RHPN1: variants seen among roughly 807,000 people sequenced by gnomAD.
RHPN1 encodes the protein rhophilin-1.
Under a neutral mutation model 74.7 loss-of-function variants are expected in RHPN1, and 77 were observed. That is an observed-to-expected ratio of 1.03 (90% CI 0.86 to 1.25). RHPN1 has a LOEUF of 1.25. Ranked by LOEUF, RHPN1 falls within the 50% of genes most tolerant of loss-of-function variation. RHPN1 has a pLI of 0.00. For missense variants in RHPN1, 987 were observed against 932.2 expected, an observed-to-expected ratio of 1.06 and a Z score of -0.77; for synonymous variants, 444 against 414.5, an observed-to-expected ratio of 1.07 and a Z score of -0.87.
chr8:143,378,806 G>T lies in RHPN1; in HGVS notation c.570G>T (p.Gly190=). 6.4e-7 allele frequency: 1 copy of T among 1,565,064 alleles called. No homozygotes were observed. The highest frequency in any genetic ancestry group is 8.7e-7 in the Non-Finnish European group (1 of 1,155,138). The stretch of plus-strand genomic sequence containing the variant: ...TCCTCACCCCTGCCAGGAGCCTCGG[G>T]CTCTTCTTCCACTGGTAGGGGCTCT... The part of the protein sequence containing the change: ...ARFLTPARSL[G]LFFHWYDSLT... The change falls in exon 6 of 15, where the codon GGG becomes GGT. Residue 190 remains glycine, a synonymous_variant. Coordinates refer to ENST00000289013, the MANE Select transcript of RHPN1 (RefSeq NM_052924.3).
chr8:143,379,518 G>T lies in RHPN1; in HGVS notation c.945+10G>T. Reference sequence around the variant, plus strand: ...GCAGGAGGCCGCCCAGGTGAGCTCGGGCACCCGTGTCAGGATGCAGGGGGT... The same window carrying T: ...GCAGGAGGCCGCCCAGGTGAGCTCGTGCACCCGTGTCAGGATGCAGGGGGT... On this transcript the variant is annotated intron_variant, in intron 8 of 14. Transcript: ENST00000289013. 1 of 1,537,242 alleles carries T rather than the reference G, an allele frequency of 6.5e-7. No individual in the cohort carries two copies. The highest frequency in any genetic ancestry group is 8.8e-7 in the Non-Finnish European group (1 of 1,139,726).
upstream of RHPN1, chr8:143,368,414 T>C (rs1318556654): frequency 6.6e-6 from 1 of 152,562 alleles, no homozygotes; most frequent in Non-Finnish European, 1.5e-5. Context: ...GTGAACATTT[T>C]TGGAACAAGC....
rs781486031 is a variant in RHPN1, at chr8:143,379,523, C to T, written c.945+15C>T. ...AGGCCGCCCAGGTGAGCTCGGGCAC[C>T]CGTGTCAGGATGCAGGGGGTGGGGC... is the stretch of plus-strand genomic sequence containing the variant. On this transcript the variant is annotated intron_variant, in intron 8 of 14. Coordinates refer to ENST00000289013, the MANE Select transcript of RHPN1 (RefSeq NM_052924.3). The T allele has an allele frequency of 1.6e-5, 24 of 1,532,774 alleles. No individual in the cohort carries two copies. The highest frequency in any genetic ancestry group is 2.0e-5 in the Admixed American group (1 of 49,300). 94.9% of individuals were successfully genotyped at this position (1,532,774 alleles called of 1,614,324 possible).
chr8:143,372,402 C>T (rs1176625700), intron 1 of RHPN1, among the ~76,000 whole-genome samples: 3 of 152,174 alleles, frequency 2.0e-5, no homozygotes, highest in South Asian at 4.1e-4. Context: ...GCCCGAGTCC[C>T]TGAAGCAGCT....
chr8:143,381,227 CCA>C, intron 11 of RHPN1, 39 bp from the exon 12 acceptor site: 1 of 1,564,964 alleles, frequency 6.4e-7, no homozygotes, highest in Non-Finnish European at 8.7e-7. Context: ...AGGCAGGTCT[CCA>C]CAGTCTCCCA....
At chr8:143,376,773 T>G (rs563564251) in intron 3 of RHPN1, 120 bp downstream of exon 3, 4 of 1,223,124 alleles carry the variant, frequency 3.3e-6, no homozygotes, top group Non-Finnish European at 3.4e-6. Context: ...TCTGTGTGTG[T>G]GCGTGTGTGC....
At chr8:143,367,924 A>G (rs904399399), upstream of RHPN1, 1 of 152,374 alleles carries the variant, frequency 6.6e-6, no homozygotes, top group Non-Finnish European at 1.5e-5. Context: ...CCGGAAGGAC[A>G]CACACAGCCG....
intron 2 of RHPN1, among the ~76,000 whole-genome samples, chr8:143,376,323 G>GAAC (rs1277005140): frequency 6.6e-6 from 1 of 152,222 alleles, no homozygotes; most frequent in African/African-American, 2.4e-5. Context: ...TCGGGGTGAT[G>GAAC]AACTGTAGGG....
At chr8:143,381,533 G>A in intron 12 of RHPN1, 39 bp from the exon 13 acceptor site, 4 of 1,584,236 alleles carry the variant, frequency 2.5e-6, no homozygotes, top group Non-Finnish European at 3.4e-6. Flanking sequence ...TCCTCAGTGT[G>A]TGGCCCAGCT....
At chr8:143,377,264 G>A in intron 3 of RHPN1, 116 bp from the exon 4 acceptor site, 1 of 744,566 alleles carries the variant, frequency 1.3e-6, no homozygotes, top group Non-Finnish European at 2.3e-6. Flanking sequence ...AGGCGCACGT[G>A]CACACCCATG....
At chr8:143,371,993 G>A (rs1046128783) in intron 1 of RHPN1, among the ~76,000 whole-genome samples, 1 of 152,242 alleles carries the variant, frequency 6.6e-6, no homozygotes, top group African/African-American at 2.4e-5. Flanking sequence ...TCCTCCGCCT[G>A]TAGGCCGGGA....
At chr8:143,381,369 C>T (rs377178985) in intron 12 of RHPN1, 25 bp downstream of exon 12, 35 of 1,588,672 alleles carry the variant, frequency 2.2e-5, no homozygotes, top group African/African-American at 2.7e-5. Flanking sequence ...CCCCAGGCAC[C>T]GCCCAGCATG....
chr8:143,370,305 C>T (rs997840807), intron 1 of RHPN1, among the ~76,000 whole-genome samples: 1 of 152,224 alleles, frequency 6.6e-6, no homozygotes, highest in African/African-American at 2.4e-5. Flanking sequence ...AGAAATGACC[C>T]CACAGTCAGG....
chr8:143,378,954 G>T lies in RHPN1; in HGVS notation c.627G>T (p.Leu209=). Residue 209 remains leucine (L), a synonymous_variant, in exon 7 of 15, where the codon CTG becomes CTT. Transcript: ENST00000289013. ...GGGTCCCGGCCCAGCAGCGTGCCCT[G>T]GCCTTCGAGAAGGGCAGCGTTCTCT... ...LTGVPAQQRA[L]AFEKGSVLFN... The T allele has an allele frequency of 1.9e-6, 3 of 1,574,698 alleles. No homozygotes were observed. The highest frequency in any genetic ancestry group is 2.6e-6 in the Non-Finnish European group (3 of 1,160,926).
chr8:143,380,783 C>T lies in RHPN1; in HGVS notation c.1411C>T (p.Pro471Ser). The T allele has an allele frequency of 3.8e-6, 6 of 1,560,938 alleles. No homozygotes were observed. The highest frequency in any genetic ancestry group is 1.2e-5 in the South Asian group (1 of 84,354). The change falls in exon 11 of 15, where the codon CCT becomes TCT. Residue 471 changes from proline (P) to serine (S), a missense_variant and splice_region_variant. Transcript: ENST00000289013. ...GGCTGCCGAGGCCCCGGACATCCAG[C>T]GTGAGCAGCCAGGGCCTGTCTGGGT... is the stretch of plus-strand genomic sequence containing the variant. Reference protein sequence around the residue: ...CEAAEAPDIQPKTHQKPEARM... With the variant: ...CEAAEAPDIQSKTHQKPEARM...
chr8:143,378,356 T>TCGGGGGGGGGGGCCCC lies in RHPN1; in HGVS notation c.459+11_459+12insGGGGGGGGGGGCCCCC. The TCGGGGGGGGGGGCCCC allele has an allele frequency of 6.6e-7, 1 of 1,525,436 alleles. No homozygotes were observed. The highest frequency in any genetic ancestry group is 8.8e-7 in the Non-Finnish European group (1 of 1,136,348). 94.5% of individuals were successfully genotyped at this position (1,525,436 alleles called of 1,614,324 possible). ...GGAGGCCCTGCGGCAGGTGTGTGGT[T>TCGGGGGGGGGGGCCCC]CCCCCGCCCACCCACCCTCCTGCAG... On this transcript the variant is annotated intron_variant, in intron 5 of 14. Transcript: ENST00000289013.
intron 10 of RHPN1, 56 bp from the exon 11 acceptor site, chr8:143,380,533 C>T (rs934980200): frequency 8.5e-5 from 120 of 1,409,404 alleles, no homozygotes; most frequent in Middle Eastern, 7.8e-4. Context: ...CCTTCTGCCA[C>T]GTCCCAGGGC....
rs1008307899 is a variant in RHPN1 at position 143,368,921 on chromosome 8, C to T, written c.-67C>T. The T allele has an allele frequency of 7.6e-6, 10 of 1,310,760 alleles. No individual in the cohort carries two copies. The highest frequency in any genetic ancestry group is 5.0e-6 in the Non-Finnish European group (5 of 1,007,884). 81.2% of individuals were successfully genotyped at this position (1,310,760 alleles called of 1,614,324 possible). A position where few individuals can be genotyped will look rare whatever the true frequency, so the allele number is the denominator to read the frequency against. The stretch of plus-strand genomic sequence containing the variant: ...GGTGGTGCGGGCGGCCCTAGCCCGG[C>T]TGCGGAGCGCTGCGCGAGCGGCGGG... On this transcript the variant is annotated 5_prime_UTR_variant, in exon 1 of 15. Transcript: ENST00000289013.
chr8:143,368,368 C>G (rs752885132), upstream of RHPN1: 1 of 153,190 alleles, frequency 6.5e-6, no homozygotes, highest in Non-Finnish European at 1.5e-5. Flanking sequence ...CACACAAGCA[C>G]TTGTCCCTAA....
Sources: allele counts gnomAD v4.1 joint callset (sites outside exome capture counted in the v4.1 genomes callset), GRCh38; gene constraint gnomAD v4.1.1; transcripts MANE v1.5; gene names NCBI Gene and HGNC (gene_info 2026-07-23, HGNC 2026-07-21).